OPCML: variants seen among roughly 807,000 people sequenced by gnomAD.
OPCML encodes the protein opioid-binding protein/cell adhesion molecule.
OPCML carries 13 observed loss-of-function variants against 37.8 expected under a neutral mutation model. The ratio of observed to expected loss-of-function variants is 0.34; its 90% CI spans 0.22 to 0.55. The LOEUF (loss-of-function observed/expected upper bound fraction) is 0.55, where lower values mean the gene tolerates loss of function less well. Ranked by LOEUF, OPCML falls within the 20% of genes least tolerant of loss-of-function variation. OPCML has a pLI of 0.91. For missense variants in OPCML, 341 were observed against 435.6 expected, an observed-to-expected ratio of 0.78 and a Z score of 1.93; for synonymous variants, 176 against 168.8, an observed-to-expected ratio of 1.04 and a Z score of -0.33.
At chr11:132,799,807 T>C (rs562656359) in intron 2 of OPCML, among the ~76,000 whole-genome samples, 5 of 152,300 alleles carry the variant, frequency 3.3e-5, no homozygotes, top group African/African-American at 9.6e-5. Flanking sequence ...CTTATGCCAG[T>C]ATGACTTTGT....
chr11:133,082,898 C>T (rs1948756843), intron 1 of OPCML, among the ~76,000 whole-genome samples: 2 of 150,258 alleles, frequency 1.3e-5, no homozygotes, highest in South Asian at 4.2e-4. Flanking sequence ...ACGCGCTGCC[C>T]GGAGACCGCC....
chr11:133,041,873 G>A (rs1235459503), intron 1 of OPCML, among the ~76,000 whole-genome samples: 1 of 152,060 alleles, frequency 6.6e-6, no homozygotes. Flanking sequence ...GGTCCCTCCG[G>A]GTGCTTAGAG....
At chr11:132,861,865 G>GT (rs773464782) in intron 2 of OPCML, among the ~76,000 whole-genome samples, 137 of 149,946 alleles carry the variant, frequency 9.1e-4, no homozygotes, top group African/African-American at 3.0e-3. Flanking sequence ...AACAAAAACT[G>GT]TTTTTTTAAT....
At chr11:132,897,902 T>C (rs1392354071) in intron 2 of OPCML, among the ~76,000 whole-genome samples, 2 of 152,192 alleles carry the variant, frequency 1.3e-5, no homozygotes, top group African/African-American at 4.8e-5. Context: ...TGTGAAGTTA[T>C]TTGTTTCTCA....
At chr11:132,565,508 C>A (rs1273717524) in intron 3 of OPCML, among the ~76,000 whole-genome samples, 3 of 152,182 alleles carry the variant, frequency 2.0e-5, no homozygotes, top group African/African-American at 7.2e-5. Context: ...ACCTCAGCGG[C>A]TCTCCTGCTC....
chr11:132,555,627 T>C (rs1354455004), intron 3 of OPCML, among the ~76,000 whole-genome samples: 2 of 152,056 alleles, frequency 1.3e-5, no homozygotes, highest in African/African-American at 4.8e-5. Flanking sequence ...TTTTTCAGTC[T>C]CTGGAATGGC....
chr11:132,521,889 A>C (rs1420863374), intron 4 of OPCML, among the ~76,000 whole-genome samples: 4 of 152,158 alleles, frequency 2.6e-5, no homozygotes, highest in Non-Finnish European at 5.9e-5. Context: ...ATAGTTCGGC[A>C]ACATTCAGTC....
chr11:132,550,380 GAGTT>G (rs994753205), intron 3 of OPCML, among the ~76,000 whole-genome samples: 1 of 152,084 alleles, frequency 6.6e-6, no homozygotes, highest in African/African-American at 2.4e-5. Context: ...GATAGTGAGT[GAGTT>G]CTCACGAGAT....
intron 2 of OPCML, among the ~76,000 whole-genome samples, chr11:132,895,172 T>G (rs1200403145): frequency 2.0e-5 from 3 of 152,194 alleles, no homozygotes; most frequent in Non-Finnish European, 4.4e-5. Context: ...TAGTGCAAAC[T>G]GCTCATAGAG....
intron 1 of OPCML, among the ~76,000 whole-genome samples, chr11:133,482,721 T>C (rs565776640): frequency 1.3e-5 from 2 of 152,118 alleles, no homozygotes; most frequent in East Asian, 3.8e-4. Flanking sequence ...AACTAGCTTA[T>C]TATATGGAGA....
At chr11:133,440,784 G>GATATATATATATATATATATA (rs1946349653) in intron 1 of OPCML, among the ~76,000 whole-genome samples, 1 of 74,382 alleles carries the variant, frequency 1.3e-5, no homozygotes, top group African/African-American at 1.8e-4. Flanking sequence ...ATATATATCT[G>GATATATATATATATATATATA]TGTGTGTGTG....
At chr11:132,703,883 C>T (rs1943931370) in intron 2 of OPCML, among the ~76,000 whole-genome samples, 1 of 152,166 alleles carries the variant, frequency 6.6e-6, no homozygotes, top group Admixed American at 6.5e-5. Flanking sequence ...GCAGGCCTGG[C>T]ATCTGGATTT....
intron 1 of OPCML, among the ~76,000 whole-genome samples, chr11:133,102,674 C>T (rs1208707851): frequency 6.6e-6 from 1 of 152,022 alleles, no homozygotes; most frequent in East Asian, 1.9e-4. Flanking sequence ...GGAGTGAACC[C>T]GGGAGGTGGA....
chr11:133,419,544 T>C (rs1592281126), intron 1 of OPCML, among the ~76,000 whole-genome samples: 1 of 152,202 alleles, frequency 6.6e-6, no homozygotes, highest in South Asian at 2.1e-4. Flanking sequence ...TTATCTGAGC[T>C]CTTAAGGTAA....
At chr11:132,553,102 C>T (rs577694846) in intron 3 of OPCML, among the ~76,000 whole-genome samples, 6 of 152,266 alleles carry the variant, frequency 3.9e-5, no homozygotes, top group Non-Finnish European at 2.9e-5. Flanking sequence ...CTGTGCTTTC[C>T]GCTATTGATG....
intron 1 of OPCML, among the ~76,000 whole-genome samples, chr11:132,964,382 G>A (rs943974726): frequency 8.5e-5 from 13 of 152,128 alleles, no homozygotes; most frequent in Non-Finnish European, 1.8e-4. Context: ...TGGACTTTGC[G>A]ATCAATCCTT....
intron 3 of OPCML, among the ~76,000 whole-genome samples, chr11:132,619,337 A>G (rs1939252569): frequency 6.6e-6 from 1 of 152,202 alleles, no homozygotes; most frequent in African/African-American, 2.4e-5. Flanking sequence ...CTCTCTTCCT[A>G]TTGGACCTCA....
intron 1 of OPCML, among the ~76,000 whole-genome samples, chr11:133,153,047 G>T (rs1490688870): frequency 6.6e-6 from 1 of 152,136 alleles, no homozygotes; most frequent in African/African-American, 2.4e-5. Flanking sequence ...CTGCAGCCTG[G>T]ACCCTGGAAG....
chr11:132,459,288 C>T (rs1025573234), intron 4 of OPCML, among the ~76,000 whole-genome samples: 8 of 151,914 alleles, frequency 5.3e-5, no homozygotes, highest in African/African-American at 1.9e-4. Flanking sequence ...CTTTGGACTC[C>T]AACTGGAACT....
Sources: allele counts gnomAD v4.1 joint callset (sites outside exome capture counted in the v4.1 genomes callset), GRCh38; gene constraint gnomAD v4.1.1; transcripts MANE v1.5; gene names NCBI Gene and HGNC (gene_info 2026-07-23, HGNC 2026-07-21).